Variants in GOLPH3 observed in about 807,000 individuals in gnomAD.
GOLPH3 encodes the protein golgi phosphoprotein 3, also known as coat protein GPP34.
In GOLPH3, 14 loss-of-function variants were observed where a neutral mutation model predicts 28.5. That is an observed-to-expected ratio of 0.49 (90% CI 0.32 to 0.77). The LOEUF is 0.77. GOLPH3 is among the 30% of genes least tolerant of loss of function. The probability of loss-of-function intolerance (pLI) is 0.03; values close to 1 mark genes in which losing one functional copy is unlikely to be tolerated. For missense variants in GOLPH3, 350 were observed against 393.7 expected, an observed-to-expected ratio of 0.89 and a Z score of 0.94; for synonymous variants, 158 against 159.2, an observed-to-expected ratio of 0.99 and a Z score of 0.06.
At chr5:32,157,423 C>G (rs1260824060) in intron 1 of GOLPH3, among the ~76,000 whole-genome samples, 1 of 152,198 alleles carries the variant, frequency 6.6e-6, no homozygotes, top group Non-Finnish European at 1.5e-5. Context: ...CAACAACCTT[C>G]TGAACTAAGT....
At chr5:32,155,219 T>C (rs1746393639) in intron 1 of GOLPH3, among the ~76,000 whole-genome samples, 2 of 152,302 alleles carry the variant, frequency 1.3e-5, no homozygotes, top group South Asian at 4.1e-4. Context: ...AGGGTTTCAT[T>C]CTGTCACCCA....
At chr5:32,170,731 T>G (rs2111901804) in intron 1 of GOLPH3, among the ~76,000 whole-genome samples, 1 of 152,178 alleles carries the variant, frequency 6.6e-6, no homozygotes, top group East Asian at 1.9e-4. Context: ...GCCCAGGAGT[T>G]TGAGTGCAGC....
Position 32,126,589 on chromosome 5 carries a change from G to A in GOLPH3, c.520C>T (p.Arg174Trp), listed in dbSNP as rs773095936. The A allele has an allele frequency of 2.5e-6, 4 of 1,613,826 alleles. No homozygotes were observed. The highest frequency in any genetic ancestry group is 2.2e-5 in the South Asian group (2 of 91,066). Residue 174 changes from arginine (R) to tryptophan (W), a missense_variant, in exon 4 of 4, where the codon CGG (arginine) becomes TGG (tryptophan). Arg to Trp is a moderately radical substitution (Grantham distance 101, BLOSUM62 -3). Transcript: ENST00000265070. ...LKLHYQLRNV[R>W]ERLAKNLVEK... ...ACCAGGTTTTTAGCTAATCGTTCCC[G>A]TACATTTCTTAACTGATAATGCAAT...
Position 32,131,317 on chromosome 5 carries a change from C to G in GOLPH3, c.472+4255G>C, listed in dbSNP as rs1019480025. ...AAAGTATCTTGGTATTCTGGAATTT[C>G]TGCCTTTTATTTTCGAAGAACTAAG... On this transcript the variant is annotated intron_variant, in intron 3 of 3. Transcript: ENST00000265070. Among the ~76,000 whole-genome samples, 40 of 152,200 alleles carry G rather than the reference C, an allele frequency of 2.6e-4. 1 individual carries two copies. The highest frequency in any genetic ancestry group is 6.5e-4 in the Admixed American group (10 of 15,278).
At chr5:32,128,442 G>C (rs144571258) in intron 3 of GOLPH3, among the ~76,000 whole-genome samples, 2,072 of 152,196 alleles carry the variant, frequency 0.014, 18 homozygotes, top group Non-Finnish European at 0.023. Flanking sequence ...TGGATCACCT[G>C]AGGTCAGGAG....
chr5:32,133,700 A>G lies in GOLPH3; in HGVS notation c.472+1872T>C, dbSNP rs77372943. 5.5e-3 allele frequency among the ~76,000 whole-genome samples: 833 copies of G among 152,366 alleles called. 21 individuals carry two copies. The highest frequency in any genetic ancestry group is 0.043 in the East Asian group (222 of 5,190). On this transcript the variant is annotated intron_variant, in intron 3 of 3. Transcript: ENST00000265070. ...ACTGACAGGCATACATGGGAGGCTAACTCAGACAGCATTGACAATGTGATG... is the reference window on the plus strand; with the variant it reads ...ACTGACAGGCATACATGGGAGGCTAGCTCAGACAGCATTGACAATGTGATG...
At chr5:32,166,914 GTTT>G (rs1746726954) in intron 1 of GOLPH3, among the ~76,000 whole-genome samples, 1 of 151,102 alleles carries the variant, frequency 6.6e-6, no homozygotes, top group Non-Finnish European at 1.5e-5. Context: ...CTACAGCATA[GTTT>G]TATACTATTT....
chr5:32,161,822 T>A (rs902529517), intron 1 of GOLPH3, among the ~76,000 whole-genome samples: 1 of 150,118 alleles, frequency 6.7e-6, no homozygotes, highest in East Asian at 2.0e-4. Context: ...GGTCAGGAGA[T>A]CAAAACCATC....
intron 3 of GOLPH3, 79 bp downstream of exon 3, chr5:32,135,493 G>A (rs161539): frequency 0.69 from 579,970 of 844,724 alleles, 200,783 homozygotes; most frequent in African/African-American, 0.88. Flanking sequence ...GCTATTTTGT[G>A]TAGGTTCCTT....
intron 1 of GOLPH3, among the ~76,000 whole-genome samples, chr5:32,152,986 T>A (rs374779735): frequency 6.6e-6 from 1 of 152,248 alleles, no homozygotes; most frequent in East Asian, 1.9e-4. Flanking sequence ...GAATCCACTA[T>A]GAAGAAACAG....
At chr5:32,135,784 T>G (rs796867050) in intron 2 of GOLPH3, 98 bp from the exon 3 acceptor site, 11 of 700,568 alleles carry the variant, frequency 1.6e-5, no homozygotes, top group Non-Finnish European at 2.7e-5. Flanking sequence ...TAATTCATTA[T>G]GCTTAAAGCC....
Position 32,124,892 on chromosome 5 carries a change from G to GA in GOLPH3, c.*1319dup, listed in dbSNP as rs1561651591. 1 of 152,490 alleles carries GA rather than the reference G, an allele frequency of 6.6e-6. No individual in the cohort carries two copies. The highest frequency in any genetic ancestry group is 1.5e-5 in the Non-Finnish European group (1 of 68,018). 9.4% of individuals were successfully genotyped at this position (152,490 alleles called of 1,614,324 possible). On this transcript the variant is annotated 3_prime_UTR_variant, in exon 4 of 4. Transcript: ENST00000265070. ...ACCTGAAAGCCCCACTATTAACATG[G>GA]ACTATGGTAATAAAAAATTTTGACA...
At chr5:32,146,116 C>T (rs530372282) in intron 1 of GOLPH3, among the ~76,000 whole-genome samples, 18 of 151,804 alleles carry the variant, frequency 1.2e-4, no homozygotes, top group Non-Finnish European at 7.4e-5. Context: ...ATGGTGAAAC[C>T]CCATCTCTAC....
rs151164003 is a variant in GOLPH3 at position 32,129,703 on chromosome 5, G to A, written c.473-3067C>T. ...AAAAAGAATCTTCAAGCTAAATCTC[G>A]AAATCCAGCAGGATTCACCACATCC... On this transcript the variant is annotated intron_variant, in intron 3 of 3. Transcript: ENST00000265070. Among the ~76,000 whole-genome samples, 573 of 152,260 alleles carry A rather than the reference G, an allele frequency of 3.8e-3. 2 individuals carry two copies. Among genetic ancestry groups the A allele is most frequent in the African/African-American group, 0.013 (521 of 41,548 alleles).
At chr5:32,158,791 G>A (rs758715150) in intron 1 of GOLPH3, among the ~76,000 whole-genome samples, 1 of 152,002 alleles carries the variant, frequency 6.6e-6, no homozygotes, top group Non-Finnish European at 1.5e-5. Flanking sequence ...TTTCTCTTCC[G>A]CTTCCATCCC....
Position 32,169,849 on chromosome 5 carries a change from T to C in GOLPH3, c.225+3961A>G, listed in dbSNP as rs1225524326. ...GTTACTTAAATACTTATGCACTGAT[T>C]CTCTGCCCAAGTGAGCATGAAAATC... On this transcript the variant is annotated intron_variant, in intron 1 of 3. Transcript: ENST00000265070. Among the ~76,000 whole-genome samples the C allele has an allele frequency of 3.3e-5, 5 of 152,176 alleles. No homozygotes were observed. The East Asian group carries it at 9.6e-4, about 29-fold the overall frequency.
At chr5:32,130,623 G>A (rs1561656884) in intron 3 of GOLPH3, among the ~76,000 whole-genome samples, 1 of 151,406 alleles carries the variant, frequency 6.6e-6, no homozygotes, top group African/African-American at 2.4e-5. Flanking sequence ...CAACAGAGGG[G>A]AAAAAAAAGT....
chr5:32,135,823 G>T (rs1745919168), intron 2 of GOLPH3, 137 bp from the exon 3 acceptor site: 4 of 601,314 alleles, frequency 6.7e-6, no homozygotes, highest in Non-Finnish European at 8.7e-6. Context: ...TCAAAGTTCA[G>T]ATTTTAAATT....
intron 1 of GOLPH3, among the ~76,000 whole-genome samples, chr5:32,162,274 C>T (rs978283823): frequency 1.1e-4 from 16 of 150,748 alleles, no homozygotes; most frequent in Admixed American, 9.2e-4. Flanking sequence ...GGGCGGATCA[C>T]GAGGTCAGGA....
Sources: gnomAD v4.1 joint callset for allele counts (sites outside exome capture counted in the v4.1 genomes callset) on GRCh38, gnomAD v4.1.1 for gene constraint, MANE v1.5 for transcripts, NCBI Gene and HGNC (gene_info 2026-07-23, HGNC 2026-07-21) for gene names.